ADA2: variants seen among roughly 807,000 people sequenced by gnomAD.
ADA2 encodes adenosine deaminase 2.
ADA2 carries 29 observed loss-of-function variants against 44.2 expected under a neutral mutation model. The ratio of observed to expected loss-of-function variants is 0.66; its 90% CI spans 0.49 to 0.89. The LOEUF (loss-of-function observed/expected upper bound fraction) is 0.89, where lower values mean the gene tolerates loss of function less well. Ranked by LOEUF, ADA2 falls within the 40% of genes least tolerant of loss-of-function variation. The pLI, the probability that ADA2 is intolerant of heterozygous loss-of-function variation, is 0.00. For synonymous variants in ADA2, 215 were observed against 234.9 expected (o/e 0.92, Z 0.77); for missense variants, 637 against 644.8 (o/e 0.99, Z 0.13).
chr22:17,218,998 A>G (rs1324186400), intron 1 of ADA2, among the ~76,000 whole-genome samples: 1 of 152,186 alleles, frequency 6.6e-6, no homozygotes. Context: ...CTCTACTAAA[A>G]ATACAAAAAT....
chr22:17,182,052 G>A (rs775448305), intron 8 of ADA2, 30 bp from the exon 9 acceptor site: 2 of 1,557,798 alleles, frequency 1.3e-6, no homozygotes, highest in Non-Finnish European at 1.8e-6. Flanking sequence ...GGAGAAAGAT[G>A]AACTCTGATC....
upstream of ADA2, chr22:17,219,507 G>C (rs911335554): frequency 2.0e-5 from 3 of 152,368 alleles, no homozygotes; most frequent in African/African-American, 7.2e-5. Context: ...AGGCCGGGGA[G>C]AGGGGCTCTG....
In ADA2 at chr22:17,180,815, GAA is replaced by G. The variant is rs2061960093; in HGVS notation, c.*666_*667del. The G allele has an allele frequency of 6.6e-6, 1 of 152,186 alleles. No individual in the cohort carries two copies. The highest frequency in any genetic ancestry group is 2.4e-5 in the African/African-American group (1 of 41,444). The allele number at this position is 152,186 out of a possible 1,614,324, so 9.4% of individuals were successfully genotyped here. On this transcript the variant is annotated 3_prime_UTR_variant, in exon 10 of 10. Coordinates refer to ENST00000399837, the MANE Select transcript of ADA2 (RefSeq NM_001282225.2). ...CACCCAGGAAAAGTGTACAGAGAGA[GAA>G]GAGAAATAAAGAGGAGAGAGTTAAA...
intron 9 of ADA2, 116 bp downstream of exon 9, chr22:17,181,704 T>A: frequency 9.2e-7 from 1 of 1,087,450 alleles, no homozygotes; most frequent in Non-Finnish European, 1.4e-6. Flanking sequence ...TAAACAGCCA[T>A]GATGAGAAGG....
At chr22:17,218,963 C>G (rs1297143089) in intron 1 of ADA2, among the ~76,000 whole-genome samples, 1 of 152,148 alleles carries the variant, frequency 6.6e-6, no homozygotes, top group Non-Finnish European at 1.5e-5. Flanking sequence ...TCAAGACCAG[C>G]CTGGCCAACA....
chr22:17,186,320 C>A (rs777680146), intron 7 of ADA2, among the ~76,000 whole-genome samples: 1 of 152,156 alleles, frequency 6.6e-6, no homozygotes, highest in African/African-American at 2.4e-5. Flanking sequence ...CACATGAGGC[C>A]GGGTAATCCC....
At chr22:17,187,679 AAAAG>A (rs202187888) in intron 7 of ADA2, among the ~76,000 whole-genome samples, 4,949 of 150,760 alleles carry the variant, frequency 0.033, 143 homozygotes, top group African/African-American at 0.077. Flanking sequence ...AAAAAAAAAA[AAAAG>A]AAGAAGAAGA....
chr22:17,214,685 T>C (rs1022895709), intron 1 of ADA2, among the ~76,000 whole-genome samples: 10 of 152,112 alleles, frequency 6.6e-5, no homozygotes, highest in African/African-American at 2.4e-4. Flanking sequence ...TCAGACTTCC[T>C]CCTCAGCCAC....
intron 7 of ADA2, among the ~76,000 whole-genome samples, chr22:17,184,526 C>T (rs1014361466): frequency 4.6e-5 from 7 of 152,172 alleles, no homozygotes; most frequent in African/African-American, 1.7e-4. Context: ...ATGGGCATAG[C>T]ACAGATTGCT....
intron 1 of ADA2, among the ~76,000 whole-genome samples, chr22:17,212,714 T>C (rs1277550290): frequency 6.6e-6 from 1 of 151,520 alleles, no homozygotes; most frequent in African/African-American, 2.4e-5. Flanking sequence ...CCCAAAGACA[T>C]ACAAAATGGC....
intron 1 of ADA2, chr22:17,213,569 C>T: frequency 3.3e-6 from 1 of 305,638 alleles, no homozygotes; most frequent in Non-Finnish European, 6.6e-6. Context: ...TCGCAGAGCT[C>T]AGAGTGACCA....
chr22:17,199,448 C>CCTCCCCTCCTCTATCCTCTT, intron 4 of ADA2: 2 of 1,129,582 alleles, frequency 1.8e-6, no homozygotes, highest in Non-Finnish European at 2.7e-6. Flanking sequence ...TCTTCCCCTC[C>CCTCCCCTCCTCTATCCTCTT]ACCCACGAAG....
Position 17,209,499 on chromosome 22 carries a change from T to C in ADA2, c.179A>G (p.Asn60Ser), listed in dbSNP as rs878901507. The change falls in exon 2 of 10, where the codon AAT becomes AGT. Residue 60 changes from asparagine (N) to serine (S), a missense_variant. Transcript: ENST00000399837. The stretch of plus-strand genomic sequence containing the variant: ...GATTTTGAGCGTCATGAGCCTCTCA[T>C]TGGCCAGCTCCTCCTTGGTGTTCAG... ...LVLNTKEELA[N>S]ERLMTLKIAE... 38 of 1,614,160 alleles carry C rather than the reference T, an allele frequency of 2.4e-5. No individual in the cohort carries two copies. Among genetic ancestry groups the C allele is most frequent in the Non-Finnish European group, 2.9e-5 (34 of 1,180,034 alleles).
rs188148220 is a variant in ADA2, at chr22:17,188,664, A to G, written c.973-217T>C. 765 of 364,890 alleles carry G rather than the reference A, an allele frequency of 2.1e-3. 7 individuals are homozygous for G. The highest frequency in any genetic ancestry group is 0.014 in the African/African-American group (653 of 47,092). The allele number at this position is 364,890 out of a possible 1,614,324, so 22.6% of individuals were successfully genotyped here. On this transcript the variant is annotated intron_variant, in intron 6 of 9. Coordinates refer to ENST00000399837, the MANE Select transcript of ADA2 (RefSeq NM_001282225.2). ...GGAGGCCGAGGCAGGCAGATCACGA[A>G]GTCAGGAGATCGAGACCATCCTGGC...
chr22:17,183,642 A>C (rs1469773115), intron 7 of ADA2, among the ~76,000 whole-genome samples: 7 of 150,728 alleles, frequency 4.6e-5, no homozygotes, highest in Non-Finnish European at 8.9e-5. Flanking sequence ...TTGTATTTTT[A>C]GTAGAGACGG....
At chr22:17,181,623 G>A (rs1420562717) in intron 9 of ADA2, 47 bp from the exon 10 acceptor site, 1 of 1,381,252 alleles carries the variant, frequency 7.2e-7, no homozygotes, top group East Asian at 2.3e-5. Context: ...CAGGGGTTGG[G>A]GAACGGGGCA....
At position 17,181,311 on chromosome 22, in the gene ADA2, G is replaced by A. The variant is rs781707083; in HGVS notation, c.*172C>T. 3.1e-6 allele frequency: 2 copies of A among 642,270 alleles called. No homozygotes were observed. The highest frequency in any genetic ancestry group is 2.3e-5 in the Admixed American group (1 of 43,114). 39.8% of individuals were successfully genotyped at this position (642,270 alleles called of 1,614,324 possible). A position where few individuals can be genotyped will look rare whatever the true frequency, so the allele number is the denominator to read the frequency against. ...AGAGGGTCAATGTCACTGTGGCTGA[G>A]AGAGAATATTTCCAGAGGATGAATT... On this transcript the variant is annotated 3_prime_UTR_variant, in exon 10 of 10. Transcript: ENST00000399837.
intron 1 of ADA2, chr22:17,214,106 A>C: frequency 1.4e-6 from 1 of 695,368 alleles, no homozygotes; most frequent in Non-Finnish European, 2.6e-6. Context: ...TTCAACAGAC[A>C]CCTGGACACA....
intron 7 of ADA2, among the ~76,000 whole-genome samples, chr22:17,186,126 C>A (rs192542909): frequency 6.6e-6 from 1 of 152,160 alleles, no homozygotes; most frequent in East Asian, 1.9e-4. Context: ...TCCTCTCCTA[C>A]GATAATGCGG....
Sources: gnomAD v4.1 joint callset for allele counts (sites outside exome capture counted in the v4.1 genomes callset) on GRCh38, gnomAD v4.1.1 for gene constraint, MANE v1.5 for transcripts, NCBI Gene and HGNC (gene_info 2026-07-23, HGNC 2026-07-21) for gene names.